PLXNA4: variants seen among roughly 807,000 people sequenced by gnomAD.
PLXNA4 encodes the protein plexin-A4.
A neutral mutation model predicts 191.8 loss-of-function variants in PLXNA4; 44 were observed. The ratio of observed to expected loss-of-function variants is 0.23; its 90% CI spans 0.18 to 0.29. The LOEUF (loss-of-function observed/expected upper bound fraction) is 0.29. Ranked by LOEUF, PLXNA4 falls within the 10% of genes least tolerant of loss-of-function variation. The pLI, the probability that PLXNA4 is intolerant of heterozygous loss-of-function variation, is 1.00. For missense variants in PLXNA4, 1,800 were observed against 2,488.8 expected, an observed-to-expected ratio of 0.72 and a Z score of 5.89; for synonymous variants, 1,082 against 1,009.5, an observed-to-expected ratio of 1.07 and a Z score of -1.36.
At chr7:132,496,682 G>A (rs1386259523) in intron 2 of PLXNA4, among the ~76,000 whole-genome samples, 2 of 152,176 alleles carry the variant, frequency 1.3e-5, no homozygotes, top group Non-Finnish European at 2.9e-5. Flanking sequence ...TTATAGGCAT[G>A]AGCTACCACA....
intron 9 of PLXNA4, among the ~76,000 whole-genome samples, chr7:132,215,636 C>CT (rs1797939412): frequency 6.6e-6 from 1 of 152,166 alleles, no homozygotes; most frequent in Non-Finnish European, 1.5e-5. Flanking sequence ...GCACTTCAGC[C>CT]CTCTCCTCTG....
chr7:132,359,993 T>G (rs981842209), intron 3 of PLXNA4, among the ~76,000 whole-genome samples: 2 of 152,216 alleles, frequency 1.3e-5, no homozygotes, highest in African/African-American at 4.8e-5. Context: ...TTTCAATTGC[T>G]ATATAGTTCT....
chr7:132,570,519 A>G (rs1801930907), intron 1 of PLXNA4, among the ~76,000 whole-genome samples: 1 of 152,230 alleles, frequency 6.6e-6, no homozygotes, highest in African/African-American at 2.4e-5. Context: ...AGCTGTGCTC[A>G]TTCGAGAAGA....
At chr7:132,206,270 T>C (rs1317382572) in intron 10 of PLXNA4, among the ~76,000 whole-genome samples, 2 of 152,236 alleles carry the variant, frequency 1.3e-5, no homozygotes, top group Non-Finnish European at 2.9e-5. Flanking sequence ...TGTGATTGCG[T>C]ATTTTAGTCT....
At chr7:132,372,117 T>A (rs1005159475) in intron 3 of PLXNA4, among the ~76,000 whole-genome samples, 1 of 152,198 alleles carries the variant, frequency 6.6e-6, no homozygotes, top group South Asian at 2.1e-4. Flanking sequence ...GTCAGGCACA[T>A]GAGAATGCTT....
intron 3 of PLXNA4, among the ~76,000 whole-genome samples, chr7:132,317,438 T>G (rs903089026): frequency 1.6e-4 from 24 of 152,164 alleles, no homozygotes; most frequent in African/African-American, 5.3e-4. Context: ...TTGTGTTGGA[T>G]TGTATTGAAT....
intron 3 of PLXNA4, among the ~76,000 whole-genome samples, chr7:132,379,990 C>T (rs1324588080): frequency 6.6e-6 from 1 of 152,156 alleles, no homozygotes; most frequent in Non-Finnish European, 1.5e-5. Flanking sequence ...CCTCACTGCC[C>T]CTGTACCTCA....
rs951805891 is a variant in PLXNA4 at position 132,248,633 on chromosome 7, C to T, written c.1504-7467G>A. ...AGAAATTATTGAAAGCCAGATCTAA[C>T]GTGATAAATGGCCCTTCTCAGTACC... On this transcript the variant is annotated intron_variant, in intron 4 of 31. Transcript: ENST00000321063. 6.6e-5 allele frequency among the ~76,000 whole-genome samples: 10 copies of T among 152,150 alleles called. No homozygotes were observed. The East Asian group carries it at 1.3e-3, about 21-fold the overall frequency.
At chr7:132,340,216 G>A (rs1802973463) in intron 3 of PLXNA4, among the ~76,000 whole-genome samples, 2 of 152,182 alleles carry the variant, frequency 1.3e-5, no homozygotes, top group African/African-American at 4.8e-5. Context: ...AGGGTTGAGG[G>A]TCTAAGGAAA....
At chr7:132,163,389 AT>A (rs2116644121) in intron 24 of PLXNA4, among the ~76,000 whole-genome samples, 1 of 152,282 alleles carries the variant, frequency 6.6e-6, no homozygotes, top group South Asian at 2.1e-4. Flanking sequence ...AGCAACTATG[AT>A]TATCCCCACT....
At chr7:132,436,401 C>T (rs950940040) in intron 3 of PLXNA4, among the ~76,000 whole-genome samples, 13 of 152,306 alleles carry the variant, frequency 8.5e-5, no homozygotes, top group Non-Finnish European at 1.5e-4. Flanking sequence ...ATAATTACTT[C>T]GCCCAGCCAT....
chr7:132,418,975 C>G (rs1429846729), intron 3 of PLXNA4, among the ~76,000 whole-genome samples: 2 of 152,224 alleles, frequency 1.3e-5, no homozygotes, highest in African/African-American at 4.8e-5. Context: ...TTTGTAAACA[C>G]AGAGCCTTCT....
intron 2 of PLXNA4, among the ~76,000 whole-genome samples, chr7:132,645,047 A>G (rs1803840206): frequency 6.6e-6 from 1 of 152,186 alleles, no homozygotes; most frequent in Non-Finnish European, 1.5e-5. Context: ...ATGCCTTCTC[A>G]GGTGTGTCAG....
At chr7:132,132,261 A>G (rs759518442) in intron 31 of PLXNA4, among the ~76,000 whole-genome samples, 7 of 152,238 alleles carry the variant, frequency 4.6e-5, no homozygotes, top group Non-Finnish European at 7.3e-5. Flanking sequence ...GACCCCATGC[A>G]TAGGCAAGAA....
rs773839726 is a variant in PLXNA4, at chr7:132,181,426, G to A, written c.3447C>T (p.Pro1149=). 2.5e-6 allele frequency: 4 copies of A among 1,614,100 alleles called. No homozygotes were observed. The highest frequency in any genetic ancestry group is 3.4e-6 in the Non-Finnish European group (4 of 1,180,010). ...YPNPVFEAFG[P]SGILELKPGT... is the part of the protein sequence containing the mutation. Reference sequence around the variant, plus strand: ...CAGGCTTGAGCTCCAGGATTCCTGAGGGACCAAAGGCCTCAAACACCGGGT... The same window carrying A: ...CAGGCTTGAGCTCCAGGATTCCTGAAGGACCAAAGGCCTCAAACACCGGGT... The change falls in exon 18 of 32, where the codon CCC becomes CCT. Residue 1149 remains proline (P), a synonymous_variant. Coordinates refer to ENST00000321063, the MANE Select transcript of PLXNA4 (RefSeq NM_020911.2).
chr7:132,365,401 T>G (rs939356982), intron 3 of PLXNA4, among the ~76,000 whole-genome samples: 5 of 133,464 alleles, frequency 3.7e-5, no homozygotes, highest in Admixed American at 3.2e-4. Context: ...TGATGGTGAG[T>G]GGGGTTAGGC....
chr7:132,563,204 T>C (rs1585349626), intron 1 of PLXNA4, among the ~76,000 whole-genome samples: 1 of 89,700 alleles, frequency 1.1e-5, no homozygotes, highest in Non-Finnish European at 2.2e-5. Context: ...CTCCTCTTCC[T>C]CCTCCTCCTC....
intron 30 of PLXNA4, among the ~76,000 whole-genome samples, chr7:132,134,706 G>A (rs1255421321): frequency 4.6e-5 from 7 of 152,218 alleles, no homozygotes; most frequent in Admixed American, 1.3e-4. Context: ...GGCCAAGGGC[G>A]TAATAACATG....
At chr7:132,262,097 G>A (rs146610693) in intron 4 of PLXNA4, among the ~76,000 whole-genome samples, 31 of 152,226 alleles carry the variant, frequency 2.0e-4, no homozygotes, top group African/African-American at 6.7e-4. Context: ...TCCTTTCCCC[G>A]GGTTGCCCCC....
Sources: gnomAD v4.1 joint callset for allele counts (sites outside exome capture counted in the v4.1 genomes callset) on GRCh38, gnomAD v4.1.1 for gene constraint, MANE v1.5 for transcripts, NCBI Gene and HGNC (gene_info 2026-07-23, HGNC 2026-07-21) for gene names.